The following AGBL1 variants were observed in gnomAD, a reference collection of about 807,000 sequenced individuals.
AGBL1 encodes the protein cytosolic carboxypeptidase 4.
A neutral mutation model predicts 118.9 loss-of-function variants in AGBL1; 130 were observed. The observed-to-expected ratio is 1.09, with a 90% CI of 0.95 to 1.26. AGBL1 has a LOEUF of 1.26. Ranked by LOEUF, AGBL1 falls within the 50% of genes most tolerant of loss-of-function variation. The pLI is 0.00. For missense variants in AGBL1, 1,584 were observed against 1,298.1 expected, an observed-to-expected ratio of 1.22 and a Z score of -3.38; for synonymous variants, 555 against 478.9, an observed-to-expected ratio of 1.16 and a Z score of -2.08.
intron 18 of AGBL1, among the ~76,000 whole-genome samples, chr15:86,424,114 C>G (rs1209490605): frequency 1.3e-5 from 2 of 152,106 alleles, no homozygotes; most frequent in East Asian, 3.9e-4. Flanking sequence ...AGGCATCATG[C>G]TACCTGACTT....
chr15:86,665,691 T>G (rs894350336), intron 21 of AGBL1, among the ~76,000 whole-genome samples: 2 of 152,144 alleles, frequency 1.3e-5, no homozygotes, highest in African/African-American at 4.8e-5. Context: ...GGTTTGGAGA[T>G]GATAAAACAT....
At chr15:86,183,229 T>A (rs557101557) in intron 5 of AGBL1, among the ~76,000 whole-genome samples, 1 of 152,278 alleles carries the variant, frequency 6.6e-6, no homozygotes, top group East Asian at 1.9e-4. Context: ...CTGCTAAAAT[T>A]TTTGCAGTTT....
At chr15:86,221,028 C>A (rs1230683738) in intron 5 of AGBL1, among the ~76,000 whole-genome samples, 1 of 151,842 alleles carries the variant, frequency 6.6e-6, no homozygotes, top group East Asian at 1.9e-4. Flanking sequence ...GGTGAAACCC[C>A]GTCTCTACTA....
chr15:86,713,202 A>G (rs1317399999), intron 22 of AGBL1, among the ~76,000 whole-genome samples: 2 of 152,126 alleles, frequency 1.3e-5, no homozygotes, highest in African/African-American at 4.8e-5. Context: ...TAGCTACATC[A>G]TTAATTATGA....
intron 17 of AGBL1, among the ~76,000 whole-genome samples, chr15:86,303,507 G>A (rs1423061578): frequency 6.6e-6 from 1 of 152,084 alleles, no homozygotes; most frequent in East Asian, 1.9e-4. Context: ...GTGAAAAAGA[G>A]TAAGACTGTT....
At chr15:86,753,100 A>G (rs1197630153) in intron 22 of AGBL1, among the ~76,000 whole-genome samples, 1 of 151,994 alleles carries the variant, frequency 6.6e-6, no homozygotes, top group East Asian at 1.9e-4. Flanking sequence ...TTACCCTTCT[A>G]TCTAAATCTG....
intron 21 of AGBL1, among the ~76,000 whole-genome samples, chr15:86,614,605 T>A (rs2084697847): frequency 6.6e-6 from 1 of 152,146 alleles, no homozygotes; most frequent in African/African-American, 2.4e-5. Context: ...TCATGGCCAG[T>A]TTGAAGCTAC....
Position 86,233,495 on chromosome 15 carries a change from C to T in AGBL1, c.526+8544C>T, listed in dbSNP as rs185097726. Reference sequence around the variant, plus strand: ...TGACAGCATGACTTGTCCTTTGCCCCTCCCTTTCCTTGCCTCTTGATAGGC... The same window carrying T: ...TGACAGCATGACTTGTCCTTTGCCCTTCCCTTTCCTTGCCTCTTGATAGGC... On this transcript the variant is annotated intron_variant, in intron 6 of 22. Transcript: ENST00000614907. 3.9e-3 allele frequency among the ~76,000 whole-genome samples: 592 copies of T among 152,196 alleles called. 2 individuals carry two copies. Among genetic ancestry groups the T allele is most frequent in the Non-Finnish European group, 5.6e-3 (380 of 68,016 alleles).
At chr15:86,255,927 C>T (rs1294106221) in intron 7 of AGBL1, among the ~76,000 whole-genome samples, 1 of 152,148 alleles carries the variant, frequency 6.6e-6, no homozygotes, top group African/African-American at 2.4e-5. Context: ...AGTTCAGCAG[C>T]ACCACGGACA....
chr15:86,474,447 G>A (rs955925881), intron 18 of AGBL1, among the ~76,000 whole-genome samples: 1 of 152,218 alleles, frequency 6.6e-6, no homozygotes, highest in Non-Finnish European at 1.5e-5. Flanking sequence ...CTGGCTCAGA[G>A]GGTCCCACAC....
chr15:86,361,801 T>C (rs929457571), intron 17 of AGBL1, among the ~76,000 whole-genome samples: 1 of 152,290 alleles, frequency 6.6e-6, no homozygotes, highest in Middle Eastern at 3.4e-3. Context: ...GGAATATCTT[T>C]TTCTACCCCT....
At chr15:86,811,109 G>A (rs907190815) in intron 22 of AGBL1, among the ~76,000 whole-genome samples, 1 of 152,212 alleles carries the variant, frequency 6.6e-6, no homozygotes, top group African/African-American at 2.4e-5. Context: ...GGAGCTAAAG[G>A]TATTCAGTGT....
chr15:86,466,728 G>GTTTGTA (rs2082413035), intron 18 of AGBL1, among the ~76,000 whole-genome samples: 1 of 152,204 alleles, frequency 6.6e-6, no homozygotes. Context: ...CTGTTTGTTA[G>GTTTGTA]TTTGTATTCT....
intron 23 of AGBL1, among the ~76,000 whole-genome samples, chr15:86,924,849 G>T (rs990811547): frequency 2.6e-5 from 4 of 152,048 alleles, no homozygotes; most frequent in African/African-American, 9.7e-5. Flanking sequence ...GCTGAGGAGG[G>T]TGGATCACAA....
At chr15:86,198,858 C>T (rs112214069) in intron 5 of AGBL1, among the ~76,000 whole-genome samples, 10 of 152,082 alleles carry the variant, frequency 6.6e-5, no homozygotes, top group Admixed American at 3.9e-4. Flanking sequence ...GCTTAAGCCA[C>T]CTAGTCTTGA....
rs183646581 is a variant in AGBL1 at position 86,676,455 on chromosome 15, A to G, written c.3158+2019A>G. Reference sequence around the variant, plus strand: ...TCACAAAAAGATGACAGAGAGAAAAATTTATAAAATCTACTGGTTTGAAAC... The same window carrying G: ...TCACAAAAAGATGACAGAGAGAAAAGTTTATAAAATCTACTGGTTTGAAAC... On this transcript the variant is annotated intron_variant, in intron 22 of 22. Transcript: ENST00000614907. Among the ~76,000 whole-genome samples, 771 of 152,286 alleles carry G rather than the reference A, an allele frequency of 5.1e-3. 3 individuals are homozygous for G. Among genetic ancestry groups the G allele is most frequent in the Non-Finnish European group, 7.1e-3 (482 of 68,040 alleles).
At chr15:86,399,108 AG>A (rs1310534106) in intron 18 of AGBL1, among the ~76,000 whole-genome samples, 17 of 152,166 alleles carry the variant, frequency 1.1e-4, no homozygotes, top group Admixed American at 1.0e-3. Context: ...GAAAACTGGG[AG>A]GCCAAGTTCT....
chr15:86,587,884 C>G (rs941974552), intron 21 of AGBL1, among the ~76,000 whole-genome samples: 4 of 152,152 alleles, frequency 2.6e-5, no homozygotes, highest in Non-Finnish European at 5.9e-5. Context: ...TATCATATCA[C>G]AGTAGGAAGC....
chr15:86,151,147 C>T (rs982684204), intron 3 of AGBL1, among the ~76,000 whole-genome samples: 3 of 143,422 alleles, frequency 2.1e-5, no homozygotes, highest in Non-Finnish European at 3.0e-5. Context: ...ACTCTGGGGA[C>T]AGTTGTGGGG....
Sources: allele counts gnomAD v4.1 joint callset (sites outside exome capture counted in the v4.1 genomes callset), GRCh38; gene constraint gnomAD v4.1.1; transcripts MANE v1.5; gene names NCBI Gene and HGNC (gene_info 2026-07-23, HGNC 2026-07-21).